Variants in ERBB4 observed in about 807,000 individuals in gnomAD.
ERBB4 encodes receptor tyrosine-protein kinase erbB-4.
ERBB4 carries 42 observed loss-of-function variants against 158.0 expected under a neutral mutation model. The ratio of observed to expected loss-of-function variants is 0.27; its 90% CI spans 0.21 to 0.34. The LOEUF is 0.34. Ranked by LOEUF, ERBB4 falls within the 10% of genes least tolerant of loss-of-function variation. The probability of loss-of-function intolerance (pLI) is 1.00; values close to 1 mark genes in which losing one functional copy is unlikely to be tolerated. For missense variants in ERBB4, 1,333 were observed against 1,624.1 expected, an observed-to-expected ratio of 0.82 and a Z score of 3.08; for synonymous variants, 583 against 558.7, an observed-to-expected ratio of 1.04 and a Z score of -0.61.
At chr2:212,457,442 TCA>T (rs1281134563) in intron 1 of ERBB4, among the ~76,000 whole-genome samples, 1 of 152,180 alleles carries the variant, frequency 6.6e-6, no homozygotes, top group Non-Finnish European at 1.5e-5. Flanking sequence ...TGCACTGTTA[TCA>T]CACAGAGTAT....
intron 20 of ERBB4, among the ~76,000 whole-genome samples, chr2:211,497,251 C>T (rs1026295498): frequency 6.6e-6 from 1 of 151,970 alleles, no homozygotes; most frequent in African/African-American, 2.4e-5. Context: ...TTAAGAAATA[C>T]AGGTTTTTAA....
At chr2:212,083,299 A>G (rs2078499921) in intron 2 of ERBB4, among the ~76,000 whole-genome samples, 1 of 151,946 alleles carries the variant, frequency 6.6e-6, no homozygotes, top group Non-Finnish European at 1.5e-5. Flanking sequence ...AATTGGCTTG[A>G]AGATGATTAT....
chr2:211,819,301 A>C (rs1276439205), intron 3 of ERBB4, among the ~76,000 whole-genome samples: 1 of 152,100 alleles, frequency 6.6e-6, no homozygotes, highest in Non-Finnish European at 1.5e-5. Flanking sequence ...CTGATCACAT[A>C]GAAAACACTA....
intron 1 of ERBB4, among the ~76,000 whole-genome samples, chr2:212,500,066 T>TC (rs1411917349): frequency 6.6e-6 from 1 of 152,086 alleles, no homozygotes; most frequent in Non-Finnish European, 1.5e-5. Context: ...TTTATTTTTT[T>TC]CTCATAGAAA....
intron 2 of ERBB4, among the ~76,000 whole-genome samples, chr2:212,063,422 G>A (rs2077841061): frequency 6.6e-6 from 1 of 152,068 alleles, no homozygotes; most frequent in Non-Finnish European, 1.5e-5. Context: ...TAAATAATCT[G>A]ATGATGACTG....
chr2:212,188,334 C>T (rs2082093090), intron 1 of ERBB4, among the ~76,000 whole-genome samples: 1 of 144,998 alleles, frequency 6.9e-6, no homozygotes, highest in Admixed American at 7.0e-5. Flanking sequence ...CCCACTACAA[C>T]TCTAGGATAA....
chr2:211,393,602 G>T (rs1336567390), intron 25 of ERBB4, among the ~76,000 whole-genome samples: 1 of 152,078 alleles, frequency 6.6e-6, no homozygotes. Flanking sequence ...ACTTAAGGAG[G>T]CATCTGAAAC....
chr2:212,394,642 G>T (rs146812113), intron 1 of ERBB4, among the ~76,000 whole-genome samples: 1 of 151,964 alleles, frequency 6.6e-6, no homozygotes, highest in Non-Finnish European at 1.5e-5. Context: ...TTTCTTCCAC[G>T]TGCTTCCATG....
At chr2:211,432,901 G>A (rs2063773767) in intron 20 of ERBB4, among the ~76,000 whole-genome samples, 1 of 152,204 alleles carries the variant, frequency 6.6e-6, no homozygotes, top group South Asian at 2.1e-4. Context: ...TGAATGGACT[G>A]ATGTGATACA....
chr2:211,868,007 T>C (rs562455218), intron 3 of ERBB4, among the ~76,000 whole-genome samples: 8 of 152,348 alleles, frequency 5.3e-5, no homozygotes, highest in African/African-American at 1.7e-4. Flanking sequence ...ATAAGATCCA[T>C]AGTACTTTTT....
At chr2:211,942,545 C>A (rs1307731809) in intron 3 of ERBB4, among the ~76,000 whole-genome samples, 1 of 151,834 alleles carries the variant, frequency 6.6e-6, no homozygotes, top group Non-Finnish European at 1.5e-5. Context: ...CTACCAGAAT[C>A]CAGCAAACTT....
intron 2 of ERBB4, among the ~76,000 whole-genome samples, chr2:212,045,094 T>C (rs1158291422): frequency 6.6e-6 from 1 of 152,210 alleles, no homozygotes; most frequent in African/African-American, 2.4e-5. Flanking sequence ...CATAAAAATA[T>C]TGGTAATTGT....
At chr2:211,486,749 T>A (rs1574587019) in intron 20 of ERBB4, among the ~76,000 whole-genome samples, 1 of 152,114 alleles carries the variant, frequency 6.6e-6, no homozygotes, top group African/African-American at 2.4e-5. Flanking sequence ...ATGTGGGTGA[T>A]GTTAGCACCC....
chr2:211,951,175 GACTCTTCTTATCAA>G, intron 2 of ERBB4, among the ~76,000 whole-genome samples: 1 of 152,100 alleles, frequency 6.6e-6, no homozygotes, highest in East Asian at 1.9e-4. Flanking sequence ...CTCAGGAAGT[GACTCTTCTTATCAA>G]AAAGTGTAAA....
rs144164473 is a variant in ERBB4 at position 212,192,870 on chromosome 2, G to A, written c.83-67967C>T. On this transcript the variant is annotated intron_variant, in intron 1 of 27. Transcript: ENST00000342788. ...AATAGTGTGATTTGCTATCCATAGG[G>A]AGGAGGGGAACACCCTCTGATATTT... Among the ~76,000 whole-genome samples the A allele has an allele frequency of 5.7e-3, 872 of 152,220 alleles. 6 individuals carry two copies. Among genetic ancestry groups the A allele is most frequent in the Middle Eastern group, 0.01 (3 of 294 alleles).
rs770415207 is a variant in ERBB4, at chr2:211,407,598, TATAGTC to T, written c.3135+12837_3135+12842del. On this transcript the variant is annotated intron_variant, in intron 25 of 27. Transcript: ENST00000342788. ...ATGTAGCATATTTTGCTGCAAGAGA[TATAGTC>T]ATAGTATTTGGAATTTTTCCCACGG... Among the ~76,000 whole-genome samples, 78 of 152,360 alleles carry T rather than the reference TATAGTC, an allele frequency of 5.1e-4. 1 individual carries two copies. Among genetic ancestry groups the T allele is most frequent in the Admixed American group, 7.2e-4 (11 of 15,294 alleles).
intron 1 of ERBB4, among the ~76,000 whole-genome samples, chr2:212,264,616 A>T (rs1408256714): frequency 1.3e-5 from 2 of 152,106 alleles, no homozygotes; most frequent in Non-Finnish European, 2.9e-5. Flanking sequence ...AACTATCATG[A>T]TTACATTAAG....
intron 19 of ERBB4, among the ~76,000 whole-genome samples, chr2:211,613,258 A>G (rs1009814445): frequency 6.6e-5 from 10 of 152,050 alleles, no homozygotes; most frequent in Non-Finnish European, 1.2e-4. Flanking sequence ...AGGAAAGTTG[A>G]AGATTTTTTG....
intron 1 of ERBB4, among the ~76,000 whole-genome samples, chr2:212,175,192 G>A (rs1357140): frequency 0.26 from 40,174 of 151,860 alleles, 5,401 homozygotes; most frequent in South Asian, 0.34. Flanking sequence ...GTCCTTTCAC[G>A]TTTATGTTAA....
Sources: allele counts gnomAD v4.1 joint callset (sites outside exome capture counted in the v4.1 genomes callset), GRCh38; gene constraint gnomAD v4.1.1; transcripts MANE v1.5; gene names NCBI Gene and HGNC (gene_info 2026-07-23, HGNC 2026-07-21).